The following ZFHX3 variants were observed in gnomAD, a reference collection of about 807,000 sequenced individuals.
ZFHX3 encodes the protein zinc finger homeobox protein 3.
ZFHX3 carries 42 observed loss-of-function variants against 279.1 expected under a neutral mutation model. That is an observed-to-expected ratio of 0.15 (90% confidence interval 0.12 to 0.19). ZFHX3 has a LOEUF of 0.19. ZFHX3 is among the 10% of genes least tolerant of loss of function. The probability of loss-of-function intolerance (pLI) is 1.00; values close to 1 mark genes in which losing one functional copy is unlikely to be tolerated. For missense variants in ZFHX3, 4,981 were observed against 4,754.0 expected, an observed-to-expected ratio of 1.05 and a Z score of -1.40; for synonymous variants, 2,293 against 1,957.8, an observed-to-expected ratio of 1.17 and a Z score of -4.52.
intron 4 of ZFHX3, among the ~76,000 whole-genome samples, chr16:72,836,081 G>A (rs1056328476): frequency 6.6e-6 from 1 of 152,146 alleles, no homozygotes; most frequent in Non-Finnish European, 1.5e-5. Flanking sequence ...GCTGGTGGAC[G>A]GGCAGTTGTG....
intron 5 of ZFHX3, among the ~76,000 whole-genome samples, chr16:72,816,129 T>C (rs567324823): frequency 6.4e-4 from 97 of 151,170 alleles, no homozygotes; most frequent in Non-Finnish European, 1.3e-3. Context: ...GGTGATGACA[T>C]CATGGAACAC....
chr16:73,845,171 G>A (rs760333288), intron 1 of ZFHX3, among the ~76,000 whole-genome samples: 1 of 152,290 alleles, frequency 6.6e-6, no homozygotes, highest in Non-Finnish European at 1.5e-5. Flanking sequence ...ATTGAAACAT[G>A]CACGCGACCA....
intron 2 of ZFHX3, among the ~76,000 whole-genome samples, chr16:73,577,138 T>A (rs987113430): frequency 6.6e-6 from 1 of 152,206 alleles, no homozygotes; most frequent in Non-Finnish European, 1.5e-5. Context: ...AGCAAAAACA[T>A]GTATTATTTA....
intron 2 of ZFHX3, chr16:73,558,603 G>A (rs2020321586): frequency 6.6e-6 from 1 of 152,168 alleles, no homozygotes; most frequent in African/African-American, 2.4e-5. Context: ...CGGCAATGAC[G>A]GCTGGAGGGA....
rs753707662 is a variant in ZFHX3 at position 72,797,830 on chromosome 16, C to T, written c.4852G>A (p.Val1618Met). 1.2e-6 allele frequency: 2 copies of T among 1,614,056 alleles called. No individual in the cohort carries two copies. The highest frequency in any genetic ancestry group is 1.7e-5 in the Admixed American group (1 of 60,010). Residue 1618 changes from valine to methionine, a missense_variant, in exon 9 of 10, where the codon GTG becomes ATG. Val to Met is a conservative substitution (Grantham distance 21). This residue lies in a region of ZFHX3 where 1,751 missense variants were observed against 1,770.0 expected (regional missense o/e 0.99). Transcript: ENST00000268489. ...SSTLEIHMRS[V>M]LHQTKARAAK... ...GCCCGGGCCTTGGTTTGATGTAACA[C>T]AGACCTCATATGGATCTCCAGAGTG... is the stretch of plus-strand genomic sequence containing the variant.
chr16:72,896,402 C>T (rs2038901072), intron 3 of ZFHX3, among the ~76,000 whole-genome samples: 1 of 152,204 alleles, frequency 6.6e-6, no homozygotes, highest in African/African-American at 2.4e-5. Context: ...GTCTGGCTCA[C>T]TGAGAAGAAC....
At chr16:73,491,622 A>C (rs1041864959) in intron 2 of ZFHX3, among the ~76,000 whole-genome samples, 6 of 152,320 alleles carry the variant, frequency 3.9e-5, no homozygotes, top group African/African-American at 1.4e-4. Context: ...AAAGTGGCAC[A>C]GGTGTACATA....
chr16:73,787,586 T>A (rs1247743953), intron 1 of ZFHX3, among the ~76,000 whole-genome samples: 1 of 152,184 alleles, frequency 6.6e-6, no homozygotes, highest in Non-Finnish European at 1.5e-5. Context: ...AGCATTTGTT[T>A]AGTCCTAGGA....
chr16:73,049,696 C>T (rs1965413828), upstream of ZFHX3, among the ~76,000 whole-genome samples: 1 of 152,070 alleles, frequency 6.6e-6, no homozygotes, highest in African/African-American at 2.4e-5. Context: ...TTCAGTCACA[C>T]GTGAGAGCAC....
At chr16:73,867,943 G>A (rs1962069759) in intron 1 of ZFHX3, among the ~76,000 whole-genome samples, 2 of 152,172 alleles carry the variant, frequency 1.3e-5, no homozygotes, top group African/African-American at 4.8e-5. Context: ...TTTCATCAGA[G>A]CAGCAATGAG....
intron 1 of ZFHX3, among the ~76,000 whole-genome samples, chr16:72,986,141 G>T (rs1322400318): frequency 6.6e-6 from 1 of 151,956 alleles, no homozygotes; most frequent in Non-Finnish European, 1.5e-5. Flanking sequence ...GCACTCCATG[G>T]CCCGTCCTGG....
At position 73,316,499 on chromosome 16, in the gene ZFHX3, A is replaced by C. The variant is rs148319981; in HGVS notation, c.-1194+1741T>G. 2.8e-4 allele frequency among the ~76,000 whole-genome samples: 43 copies of C among 152,334 alleles called. No homozygotes were observed. The East Asian group carries it at 7.9e-3, about 28-fold the overall frequency. On this transcript the variant is annotated intron_variant, in intron 4 of 17. Coordinates refer to the ZFHX3 transcript ENST00000641206. Reference sequence around the variant, plus strand: ...TCCTTCTCTGACCTCGGATGATTTAAGTCATCTCTACCATTCAACCTAATA... The same window carrying C: ...TCCTTCTCTGACCTCGGATGATTTACGTCATCTCTACCATTCAACCTAATA...
chr16:73,431,843 C>T (rs972611210), intron 3 of ZFHX3, among the ~76,000 whole-genome samples: 1 of 152,124 alleles, frequency 6.6e-6, no homozygotes, highest in Non-Finnish European at 1.5e-5. Context: ...ACGGGACAAG[C>T]TGGGGTCTCC....
At chr16:73,088,140 T>A (rs531417590) in intron 8 of ZFHX3, among the ~76,000 whole-genome samples, 4 of 89,936 alleles carry the variant, frequency 4.4e-5, no homozygotes, top group Admixed American at 1.5e-4. Context: ...AACTTTCATT[T>A]CATTTTTTTT....
intron 2 of ZFHX3, among the ~76,000 whole-genome samples, chr16:73,517,277 A>T (rs2019539481): frequency 6.6e-6 from 1 of 151,956 alleles, no homozygotes; most frequent in South Asian, 2.1e-4. Context: ...GCATTTTTCT[A>T]CCTCTATGGC....
At chr16:73,502,881 G>A (rs747120698) in intron 2 of ZFHX3, among the ~76,000 whole-genome samples, 10 of 152,202 alleles carry the variant, frequency 6.6e-5, no homozygotes, top group Non-Finnish European at 1.2e-4. Flanking sequence ...CCTATTAACT[G>A]AGGCAAGCTC....
intron 3 of ZFHX3, among the ~76,000 whole-genome samples, chr16:72,907,364 A>T (rs2039202716): frequency 6.6e-6 from 1 of 151,872 alleles, no homozygotes; most frequent in Non-Finnish European, 1.5e-5. Flanking sequence ...TTCTTTCCTC[A>T]CGCTCTAATC....
At chr16:73,299,497 C>T (rs949492297) in intron 4 of ZFHX3, among the ~76,000 whole-genome samples, 1 of 152,120 alleles carries the variant, frequency 6.6e-6, no homozygotes, top group Non-Finnish European at 1.5e-5. Context: ...ATCGCTGCCA[C>T]CGCTGATTCT....
intron 2 of ZFHX3, among the ~76,000 whole-genome samples, chr16:73,507,201 G>A (rs1176577590): frequency 6.6e-6 from 1 of 152,162 alleles, no homozygotes; most frequent in East Asian, 1.9e-4. Context: ...GTGGGGAGAA[G>A]AATGAAACTG....
Sources: gnomAD v4.1 joint callset for allele counts (sites outside exome capture counted in the v4.1 genomes callset) on GRCh38, gnomAD v4.1.1 for gene constraint, gnomAD v4.1.1 regional missense constraint, MANE v1.5 for transcripts, NCBI Gene and HGNC (gene_info 2026-07-23, HGNC 2026-07-21) for gene names.